Variants in RAB1A observed in about 807,000 individuals in gnomAD.
RAB1A encodes RAB1A, member RAS oncogene family, also known as ras-related protein Rab-1A.
A neutral mutation model predicts 26.0 loss-of-function variants in RAB1A; 2 were observed. The observed-to-expected ratio is 0.08, with a 90% CI of 0.03 to 0.24. The LOEUF is 0.24. RAB1A is among the 10% of genes least tolerant of loss of function. The pLI, the probability that RAB1A is intolerant of heterozygous loss-of-function variation, is 1.00. For missense variants in RAB1A, 100 were observed against 247.0 expected, an observed-to-expected ratio of 0.40 and a Z score of 3.99; for synonymous variants, 84 against 84.9, an observed-to-expected ratio of 0.99 and a Z score of 0.06.
At chr2:65,100,170 G>T (rs1009935578) in intron 2 of RAB1A, among the ~76,000 whole-genome samples, 1 of 152,082 alleles carries the variant, frequency 6.6e-6, no homozygotes. Context: ...GGGAGGCCAA[G>T]GTGAGTGGAT....
At position 65,125,431 on chromosome 2, in the gene RAB1A, T is replaced by C. The variant is rs188478277; in HGVS notation, c.23+4462A>G. The stretch of plus-strand genomic sequence containing the variant: ...ATGTTAAGTATTTCTTTCTTTTTTT[T>C]TTTTTTTTTTTGAGGAGTCTCACTC... On this transcript the variant is annotated intron_variant, in intron 1 of 5. Coordinates refer to ENST00000409784, the MANE Select transcript of RAB1A (RefSeq NM_004161.5). 2.0e-3 allele frequency among the ~76,000 whole-genome samples: 297 copies of C among 147,090 alleles called. 1 individual carries two copies. The highest frequency in any genetic ancestry group is 7.0e-3 in the African/African-American group (278 of 39,764).
Position 65,114,566 on chromosome 2 carries a change from G to A in RAB1A, c.24-9760C>T, listed in dbSNP as rs990190492. 4.6e-5 allele frequency among the ~76,000 whole-genome samples: 7 copies of A among 152,164 alleles called. No individual in the cohort carries two copies. In the East Asian group the frequency reaches 7.7e-4, roughly 17 times the overall value. On this transcript the variant is annotated intron_variant, in intron 1 of 5. Coordinates refer to ENST00000409784, the MANE Select transcript of RAB1A (RefSeq NM_004161.5). ...CCAATACAACAGTTTAAGGGGGGCC[G>A]GGCGCGGTGGCTCACGCCTGTAATC...
intron 2 of RAB1A, among the ~76,000 whole-genome samples, chr2:65,103,772 G>C (rs780106239): frequency 1.3e-5 from 2 of 151,412 alleles, no homozygotes; most frequent in East Asian, 1.9e-4. Context: ...ATGCTAATTT[G>C]TTTTTTTATT....
intron 1 of RAB1A, among the ~76,000 whole-genome samples, chr2:65,116,319 C>G (rs6546126): frequency 1 from 151,684 of 152,272 alleles, 75,551 homozygotes; most frequent in South Asian, 1. Context: ...ACACCAAGAA[C>G]GGGGTGTCAA....
At chr2:65,112,509 C>T (rs1001729897) in intron 1 of RAB1A, among the ~76,000 whole-genome samples, 1 of 152,140 alleles carries the variant, frequency 6.6e-6, no homozygotes, top group Non-Finnish European at 1.5e-5. Flanking sequence ...AATCTAATCA[C>T]AAATTGGGCT....
Position 65,104,797 on chromosome 2 carries a change from T to C in RAB1A, c.33A>G (p.Leu11=), listed in dbSNP as rs1391162755. Residue 11 remains leucine (L), a synonymous_variant, in exon 2 of 6, where the codon TTA becomes TTG. Transcript: ENST00000409784. The stretch of plus-strand genomic sequence containing the variant: ...AGTCGCCAATCAGAAGTAACTTGAA[T>C]AAATAATCACTGCAAAAAGAAAAAG... MSSMNPEYDY[L]FKLLLIGDSG... 1.2e-6 allele frequency: 2 copies of C among 1,609,348 alleles called. No individual in the cohort carries two copies. Among genetic ancestry groups the C allele is most frequent in the African/African-American group, 2.7e-5 (2 of 74,824 alleles).
At chr2:65,109,598 T>A (rs1020076845) in intron 1 of RAB1A, among the ~76,000 whole-genome samples, 2 of 151,374 alleles carry the variant, frequency 1.3e-5, no homozygotes, top group African/African-American at 4.9e-5. Context: ...TAATCCCAGC[T>A]ACTTGGGTGG....
chr2:65,093,278 T>C (rs1669212139), intron 3 of RAB1A, among the ~76,000 whole-genome samples: 1 of 152,216 alleles, frequency 6.6e-6, no homozygotes, highest in Admixed American at 6.5e-5. Flanking sequence ...TCTCTCCCAT[T>C]GTCTGCCTCC....
At chr2:65,117,638 C>T (rs994570606) in intron 1 of RAB1A, among the ~76,000 whole-genome samples, 1 of 152,104 alleles carries the variant, frequency 6.6e-6, no homozygotes, top group Non-Finnish European at 1.5e-5. Flanking sequence ...GCAATGTGGG[C>T]TCACTGCAAC....
intron 1 of RAB1A, among the ~76,000 whole-genome samples, chr2:65,127,628 A>T (rs1670128794): frequency 6.6e-6 from 1 of 152,216 alleles, no homozygotes; most frequent in South Asian, 2.1e-4. Flanking sequence ...CGGGAATCTG[A>T]GGCAGGAGAA....
At chr2:65,128,337 T>C (rs1187226158) in intron 1 of RAB1A, among the ~76,000 whole-genome samples, 1 of 151,978 alleles carries the variant, frequency 6.6e-6, no homozygotes, top group Non-Finnish European at 1.5e-5. Flanking sequence ...ACAGTAGAGG[T>C]CTATAAACCT....
At chr2:65,089,163 A>G (rs1669108279) in intron 4 of RAB1A, 93 bp from the exon 5 acceptor site, 2 of 1,240,280 alleles carry the variant, frequency 1.6e-6, no homozygotes, top group South Asian at 1.4e-5. Flanking sequence ...GACAAATAAC[A>G]AAGAGCTAGT....
intron 2 of RAB1A, among the ~76,000 whole-genome samples, chr2:65,100,556 T>A (rs1439540531): frequency 6.6e-6 from 1 of 151,762 alleles, no homozygotes; most frequent in Non-Finnish European, 1.5e-5. Context: ...GATCAGGAGT[T>A]CAAGACCAGC....
chr2:65,091,034 A>G lies in RAB1A; in HGVS notation c.237T>C (p.Ser79=). 2 of 1,613,524 alleles carry G rather than the reference A, an allele frequency of 1.2e-6. 1 individual carries two copies. The highest frequency in any genetic ancestry group is 2.2e-5 in the South Asian group (2 of 91,050). Residue 79 remains serine, a synonymous_variant, in exon 4 of 6, where the codon AGT becomes AGC. Coordinates refer to ENST00000409784, the MANE Select transcript of RAB1A (RefSeq NM_004161.5). ...TGATGCCATGGGCTCCTCTGTAATA[A>G]CTGGAGGTGATTGTTCGAAATCTTT... is the stretch of plus-strand genomic sequence containing the variant. The part of the protein sequence containing the change: ...GQERFRTITS[S]YYRGAHGIIV...
In RAB1A at chr2:65,087,360, A is replaced by T. The variant is rs1669059012; in HGVS notation, c.*1133T>A. 1 of 152,682 alleles carries T rather than the reference A, an allele frequency of 6.5e-6. No individual in the cohort carries two copies. The highest frequency in any genetic ancestry group is 2.4e-5 in the African/African-American group (1 of 41,462). The allele number at this position is 152,682 out of a possible 1,614,324, so 9.5% of individuals were successfully genotyped here. On this transcript the variant is annotated 3_prime_UTR_variant, in exon 6 of 6. Transcript: ENST00000409784. The stretch of plus-strand genomic sequence containing the variant: ...GGATATAATTTCTAAATTTAGAGCA[A>T]TCAAATTTCCTGCTTCCTATCTTAA...
rs533398836 is a variant in RAB1A at position 65,092,071 on chromosome 2, G to A, written c.193-993C>T. Among the ~76,000 whole-genome samples, 5 of 152,194 alleles carry A rather than the reference G, an allele frequency of 3.3e-5. No individual in the cohort carries two copies. The East Asian group carries it at 5.8e-4, about 18-fold the overall frequency. On this transcript the variant is annotated intron_variant, in intron 3 of 5. Transcript: ENST00000409784. ...GGGCGGATTACGAGCTCAGGAGTTC[G>A]AGACCAGCCTGACCAACATGGTGAA...
Position 65,121,792 on chromosome 2 carries a change from C to CG in RAB1A, c.23+8100dup, listed in dbSNP as rs74778306. On this transcript the variant is annotated intron_variant, in intron 1 of 5. Coordinates refer to ENST00000409784, the MANE Select transcript of RAB1A (RefSeq NM_004161.5). ...TCCCCTCTCCCTCTAAAGCGGGGGC[C>CG]GGGGGGGAGTCTGGGCATTTTGCCT... 0.022 allele frequency among the ~76,000 whole-genome samples: 3,386 copies of CG among 151,978 alleles called. 208 individuals are homozygous for CG. The East Asian group carries it at 0.23, about 10-fold the overall frequency.
At chr2:65,122,974 CAA>C (rs751246247) in intron 1 of RAB1A, among the ~76,000 whole-genome samples, 7,344 of 33,580 alleles carry the variant, frequency 0.22, 65 homozygotes, top group East Asian at 0.36. Flanking sequence ...CCGTCTCAGA[CAA>C]AAAAAAAAAA....
Position 65,088,865 on chromosome 2 carries a change from CTTACTG to C in RAB1A, c.420+68_420+73del, listed in dbSNP as rs542237244. 3.9e-3 allele frequency: 5,676 copies of C among 1,462,018 alleles called. 16 individuals are homozygous for C. Among genetic ancestry groups the C allele is most frequent in the Non-Finnish European group, 4.6e-3 (4,957 of 1,080,956 alleles). The allele number at this position is 1,462,018 out of a possible 1,614,324, so 90.6% of individuals were successfully genotyped here. On this transcript the variant is annotated intron_variant, in intron 5 of 5. Coordinates refer to ENST00000409784, the MANE Select transcript of RAB1A (RefSeq NM_004161.5). The stretch of plus-strand genomic sequence containing the variant: ...GCACATATTTTTAAAAGGCTGTGGC[CTTACTG>C]TTACTGCAGAACCCATACATAATTC...
Sources: allele counts gnomAD v4.1 joint callset (sites outside exome capture counted in the v4.1 genomes callset), GRCh38; gene constraint gnomAD v4.1.1; transcripts MANE v1.5; gene names NCBI Gene and HGNC (gene_info 2026-07-23, HGNC 2026-07-21).